The following PALMD variants were observed in gnomAD, a reference collection of about 807,000 sequenced individuals.
The protein encoded by PALMD is palmdelphin, also known as paralemmin-like protein.
PALMD carries 42 observed loss-of-function variants against 56.2 expected under a neutral mutation model. That is an observed-to-expected ratio of 0.75 (90% CI 0.58 to 0.97). PALMD has a LOEUF of 0.97. Ranked by LOEUF, PALMD falls within the 50% of genes least tolerant of loss-of-function variation. The pLI is 0.00. For missense variants in PALMD, 660 were observed against 643.8 expected, an observed-to-expected ratio of 1.03 and a Z score of -0.27; for synonymous variants, 242 against 222.9, an observed-to-expected ratio of 1.09 and a Z score of -0.76.
At chr1:99,648,888 C>CCAA (rs142325953) in intron 1 of PALMD, among the ~76,000 whole-genome samples, 1 of 126,922 alleles carries the variant, frequency 7.9e-6, no homozygotes, top group Non-Finnish European at 1.6e-5. Context: ...TTCTTTTTCT[C>CCAA]AAAAAAAAAA....
chr1:99,685,474 G>A (rs978958515), intron 3 of PALMD: 2 of 152,176 alleles, frequency 1.3e-5, no homozygotes, highest in Non-Finnish European at 2.9e-5. Flanking sequence ...TTAGAGGTCT[G>A]TGGCATACAA....
intron 3 of PALMD, among the ~76,000 whole-genome samples, chr1:99,673,310 T>G (rs1374434488): frequency 6.6e-6 from 1 of 152,238 alleles, no homozygotes; most frequent in East Asian, 1.9e-4. Context: ...TGCTTTTAAC[T>G]ACCTGTGCAG....
At chr1:99,682,622 C>T (rs1381276957) in intron 3 of PALMD, among the ~76,000 whole-genome samples, 1 of 152,002 alleles carries the variant, frequency 6.6e-6, no homozygotes, top group Non-Finnish European at 1.5e-5. Flanking sequence ...ACAACAAACA[C>T]CAGTGCATTT....
At chr1:99,687,951 G>A (rs1653554263) in intron 6 of PALMD, among the ~76,000 whole-genome samples, 1 of 152,126 alleles carries the variant, frequency 6.6e-6, no homozygotes, top group Non-Finnish European at 1.5e-5. Context: ...AGAAAGAAAG[G>A]TGGGAGGACA....
At chr1:99,649,621 C>T (rs1174987176) in intron 1 of PALMD, among the ~76,000 whole-genome samples, 2 of 152,114 alleles carry the variant, frequency 1.3e-5, no homozygotes, top group Non-Finnish European at 2.9e-5. Context: ...ACAAAGATTC[C>T]CTTAGGATGA....
intron 7 of PALMD, among the ~76,000 whole-genome samples, chr1:99,691,506 C>T (rs1386933071): frequency 6.6e-6 from 1 of 152,160 alleles, no homozygotes; most frequent in African/African-American, 2.4e-5. Context: ...AAACAGAATG[C>T]TCCAAATTCC....
At chr1:99,677,697 C>T (rs1653245150) in intron 3 of PALMD, among the ~76,000 whole-genome samples, 2 of 152,066 alleles carry the variant, frequency 1.3e-5, no homozygotes, top group East Asian at 1.9e-4. Flanking sequence ...GCCAAGGACA[C>T]TGGGAAATGT....
chr1:99,661,692 G>A (rs1056393863), intron 1 of PALMD, among the ~76,000 whole-genome samples: 1 of 152,158 alleles, frequency 6.6e-6, no homozygotes, highest in African/African-American at 2.4e-5. Flanking sequence ...TGCTTTCTGG[G>A]TTGTCCGAGG....
chr1:99,673,579 G>A (rs1319354202), intron 3 of PALMD, among the ~76,000 whole-genome samples: 1 of 152,126 alleles, frequency 6.6e-6, no homozygotes, highest in Non-Finnish European at 1.5e-5. Context: ...AATTACATGA[G>A]TCAAAATCGT....
At chr1:99,693,078 G>A (rs1045956336) in intron 7 of PALMD, among the ~76,000 whole-genome samples, 10 of 152,166 alleles carry the variant, frequency 6.6e-5, no homozygotes, top group African/African-American at 2.2e-4. Context: ...AGGTTTCTTA[G>A]GTATGGGGTC....
chr1:99,662,178 GA>G, intron 1 of PALMD, 140 bp from the exon 2 acceptor site: 1 of 609,218 alleles, frequency 1.6e-6, no homozygotes, highest in South Asian at 2.1e-5. Flanking sequence ...CCTTTGCTTT[GA>G]AATAGGAGTT....
At chr1:99,659,867 A>G (rs1371509781) in intron 1 of PALMD, among the ~76,000 whole-genome samples, 2 of 152,190 alleles carry the variant, frequency 1.3e-5, no homozygotes, top group African/African-American at 4.8e-5. Flanking sequence ...CCCCTGAGTG[A>G]CAAAACATTA....
rs2100853511 is a variant in PALMD at position 99,652,676 on chromosome 1, AAAGGAAAG to A, written c.45+6315_45+6322del. 3.1e-5 allele frequency among the ~76,000 whole-genome samples: 3 copies of A among 96,582 alleles called. No homozygotes were observed. In the East Asian group the frequency reaches 1.1e-3, roughly 35 times the overall value. The allele number at this position is 96,582 out of a possible 152,430, so 63.4% of individuals were successfully genotyped here. A position where few individuals can be genotyped will look rare whatever the true frequency, so the allele number is the denominator to read the frequency against. The stretch of plus-strand genomic sequence containing the variant: ...GAAAGAAAAGAAAGGAAAGGAAAGG[AAAGGAAAG>A]GAAAGGAAAGGAAAAGAAAAGAAAA... On this transcript the variant is annotated intron_variant, in intron 1 of 7. Coordinates refer to ENST00000263174, the MANE Select transcript of PALMD (RefSeq NM_017734.5).
At chr1:99,671,110 T>G (rs1653076019) in intron 3 of PALMD, among the ~76,000 whole-genome samples, 1 of 152,184 alleles carries the variant, frequency 6.6e-6, no homozygotes, top group African/African-American at 2.4e-5. Flanking sequence ...AAACTCTGAA[T>G]GTGATTTATC....
chr1:99,671,342 C>A (rs190498134), intron 3 of PALMD, among the ~76,000 whole-genome samples: 2 of 152,184 alleles, frequency 1.3e-5, no homozygotes, highest in African/African-American at 4.8e-5. Context: ...AATCCCTCTT[C>A]TGCTGACATA....
At chr1:99,655,678 C>G (rs1199701201) in intron 1 of PALMD, among the ~76,000 whole-genome samples, 27 of 152,068 alleles carry the variant, frequency 1.8e-4, no homozygotes, top group Admixed American at 1.5e-3. Flanking sequence ...ATTTTTCTAC[C>G]CCCTGAAATG....
chr1:99,666,508 C>T (rs1009297838), intron 2 of PALMD, among the ~76,000 whole-genome samples: 1 of 152,034 alleles, frequency 6.6e-6, no homozygotes, highest in African/African-American at 2.4e-5. Context: ...CACACCCACA[C>T]ACAAACACAC....
chr1:99,657,592 A>G (rs1055853921), intron 1 of PALMD, among the ~76,000 whole-genome samples: 1 of 152,172 alleles, frequency 6.6e-6, no homozygotes, highest in Non-Finnish European at 1.5e-5. Flanking sequence ...TTCTGAAAAC[A>G]TGCTTTTAAC....
At chr1:99,659,552 C>T (rs1159390174) in intron 1 of PALMD, among the ~76,000 whole-genome samples, 2 of 152,180 alleles carry the variant, frequency 1.3e-5, no homozygotes, top group African/African-American at 2.4e-5. Flanking sequence ...CATTTATTTG[C>T]TCCAATGAAA....
Sources: gnomAD v4.1 joint callset for allele counts (sites outside exome capture counted in the v4.1 genomes callset) on GRCh38, gnomAD v4.1.1 for gene constraint, MANE v1.5 for transcripts, NCBI Gene and HGNC (gene_info 2026-07-23, HGNC 2026-07-21) for gene names.